Variants in LRP4 observed in about 807,000 individuals in gnomAD.
LRP4 encodes the protein LDL receptor related protein 4.
LRP4 carries 95 observed loss-of-function variants against 220.3 expected under a neutral mutation model. The observed-to-expected ratio is 0.43, with a 90% CI of 0.37 to 0.51. LRP4 has a LOEUF of 0.51. Among genes scored for constraint, LRP4 ranks in the 20% least tolerant of loss-of-function variants. LRP4 has a pLI of 0.00. For missense variants in LRP4, 1,925 were observed against 2,567.0 expected, an observed-to-expected ratio of 0.75 and a Z score of 5.40; for synonymous variants, 903 against 954.6, an observed-to-expected ratio of 0.95 and a Z score of 1.00.
In LRP4 at chr11:46,899,377, G is replaced by A; in HGVS notation, c.547+10C>T. On this transcript the variant is annotated intron_variant, in intron 5 of 37. Coordinates refer to ENST00000378623, the MANE Select transcript of LRP4 (RefSeq NM_002334.4). This position sits in a 1 kb window ranked among gnomAD's most constrained non-coding sequence, Gnocchi z 5.9. The stretch of plus-strand genomic sequence containing the variant: ...TCCAACCCAACAGCCTGAGGTCTGG[G>A]GCCACTCACGACAGTTCTCCTCATC... 1 of 1,603,602 alleles carries A rather than the reference G, an allele frequency of 6.2e-7. No homozygotes were observed. Among genetic ancestry groups the A allele is most frequent in the Admixed American group, 1.7e-5 (1 of 60,012 alleles).
intron 34 of LRP4, among the ~76,000 whole-genome samples, chr11:46,867,657 C>T (rs1940739457): frequency 6.6e-6 from 1 of 152,150 alleles, no homozygotes; most frequent in Non-Finnish European, 1.5e-5. Flanking sequence ...AACGGGGTTT[C>T]TCCATGTTGG....
intron 31 of LRP4, among the ~76,000 whole-genome samples, chr11:46,869,987 T>C (rs890168305): frequency 2.0e-5 from 3 of 151,962 alleles, no homozygotes; most frequent in African/African-American, 7.3e-5. Context: ...GCACCTGTAA[T>C]CCCAGCTACT....
rs569619502 is a variant in LRP4 at position 46,872,669 on chromosome 11, G to A, written c.4583+431C>T. ...TGAGGTAAGAAGATGGCTTGAGCCA[G>A]GGAGGTTCAGGCTGCAGAGAGCTGT... On this transcript the variant is annotated intron_variant, in intron 30 of 37. Transcript: ENST00000378623. Among the ~76,000 whole-genome samples, 3 of 152,116 alleles carry A rather than the reference G, an allele frequency of 2.0e-5. No individual in the cohort carries two copies. The East Asian group carries it at 5.8e-4, about 30-fold the overall frequency.
At chr11:46,906,814 C>A (rs1013004697) in intron 1 of LRP4, among the ~76,000 whole-genome samples, 1 of 152,142 alleles carries the variant, frequency 6.6e-6, no homozygotes, top group South Asian at 2.1e-4. Flanking sequence ...AGCATTCCAT[C>A]GGTGGGCATC....
rs1941397543 is a variant in LRP4, at chr11:46,890,443, G to A, written c.1749C>T (p.Ser583=). 1 of 1,614,040 alleles carries A rather than the reference G, an allele frequency of 6.2e-7. No individual in the cohort carries two copies. Among genetic ancestry groups the A allele is most frequent in the Admixed American group, 1.7e-5 (1 of 60,000 alleles). The stretch of plus-strand genomic sequence containing the variant: ...TGATGCGGCGTCCAGAGCCATCCAT[G>A]CTGGAGGCCTCAATACGGGGGGTGT... ...WGNTPRIEAS[S]MDGSGRRIIA... Residue 583 remains serine (S), a synonymous_variant, in exon 14 of 38, where the codon AGC becomes AGT. Transcript: ENST00000378623. This position sits in a 1 kb window ranked among gnomAD's most constrained non-coding sequence, Gnocchi z 5.3.
intron 1 of LRP4, among the ~76,000 whole-genome samples, chr11:46,906,772 C>T (rs1301057899): frequency 1.3e-5 from 2 of 152,084 alleles, no homozygotes; most frequent in African/African-American, 4.8e-5. Flanking sequence ...TAACAGAAGT[C>T]CCGATTTCCC....
chr11:46,897,334 C>CTTTTTTT, intron 7 of LRP4, among the ~76,000 whole-genome samples: 1 of 128,098 alleles, frequency 7.8e-6, no homozygotes, highest in Non-Finnish European at 1.6e-5. Flanking sequence ...GCCTGTTTGT[C>CTTTTTTT]TTTTTTTTTT....
At chr11:46,867,871 C>G in intron 34 of LRP4, 108 bp downstream of exon 34, 1 of 1,340,150 alleles carries the variant, frequency 7.5e-7, no homozygotes, top group Non-Finnish European at 1.1e-6. Context: ...ACTGGTAGCT[C>G]CTGACATAAT....
chr11:46,876,433 C>T (rs769918507), intron 25 of LRP4, 33 bp downstream of exon 25: 5 of 1,613,370 alleles, frequency 3.1e-6, no homozygotes, highest in Admixed American at 1.7e-5. Context: ...GCTGGCCCCC[C>T]ACACTACCCA....
chr11:46,891,478 TAC>T (rs111770885), intron 13 of LRP4, among the ~76,000 whole-genome samples: 7,699 of 148,862 alleles, frequency 0.052, 658 homozygotes, highest in African/African-American at 0.18. Context: ...CACACACACA[TAC>T]ACACACACAG....
chr11:46,868,615 G>C lies in LRP4; in HGVS notation c.4936C>G (p.Arg1646Gly). Residue 1646 changes from arginine to glycine, a missense_variant, in exon 33 of 38, where the codon CGG (arginine) becomes GGG (glycine). By Grantham distance (125) the Arg-to-Gly change is moderately radical. Coordinates refer to ENST00000378623, the MANE Select transcript of LRP4 (RefSeq NM_002334.4). ...TCCAACTCACCAAGGGAGCAGGGCC[G>C]GCTATCAGGTTCGTCAGGACAGGCA... ...VCACPDEPDSRPCSLVPGLVP... is the reference protein window; with the variant it reads ...VCACPDEPDSGPCSLVPGLVP... 6.2e-7 allele frequency: 1 copy of C among 1,613,754 alleles called. No homozygotes were observed. The highest frequency in any genetic ancestry group is 8.5e-7 in the Non-Finnish European group (1 of 1,179,618).
chr11:46,900,089 C>G, intron 3 of LRP4, 113 bp from the exon 4 acceptor site: 1 of 1,019,110 alleles, frequency 9.8e-7, no homozygotes, highest in Admixed American at 1.8e-5. Context: ...CTGAGGGCTC[C>G]GAAGGAGGTG....
intron 1 of LRP4, among the ~76,000 whole-genome samples, chr11:46,912,005 C>T (rs1941867708): frequency 6.6e-6 from 1 of 152,150 alleles, no homozygotes; most frequent in Non-Finnish European, 1.5e-5. Flanking sequence ...TAGGCATGTG[C>T]CACCACGTCA....
intron 1 of LRP4, among the ~76,000 whole-genome samples, chr11:46,914,953 C>A (rs1471935992): frequency 6.6e-6 from 1 of 152,150 alleles, no homozygotes; most frequent in East Asian, 1.9e-4. Context: ...CTATAAAACA[C>A]CGTGTCCTCT....
At chr11:46,889,870 G>A in intron 15 of LRP4, 74 bp downstream of exon 15, 1 of 1,532,480 alleles carries the variant, frequency 6.5e-7, no homozygotes, top group South Asian at 1.1e-5. Context: ...TAAGGGGAAG[G>A]AAGGTTCTCA....
At chr11:46,862,958 A>G (rs1301703802) in intron 36 of LRP4, 2 of 585,578 alleles carry the variant, frequency 3.4e-6, no homozygotes, top group Non-Finnish European at 6.1e-6. Context: ...TGTGATGGCT[A>G]CTAGATTAGG....
chr11:46,887,602 G>A (rs1304328415), intron 16 of LRP4, among the ~76,000 whole-genome samples: 3 of 152,120 alleles, frequency 2.0e-5, no homozygotes, highest in Non-Finnish European at 1.5e-5. Context: ...GGAGGCTGAG[G>A]TGGATAGATC....
rs1050607778 is a variant in LRP4, at chr11:46,898,645, T to G, written c.709A>C (p.Met237Leu). The change falls in exon 7 of 38, where the codon ATG becomes CTG. Residue 237 changes from methionine to leucine, a missense_variant. This residue lies in a region of LRP4 where 412 missense variants were observed against 505.4 expected (regional missense o/e 0.82). Coordinates refer to ENST00000378623, the MANE Select transcript of LRP4 (RefSeq NM_002334.4). ...SHQPCRSGEFMCDSGLCINAG... is the reference protein window; with the variant it reads ...SHQPCRSGEFLCDSGLCINAG... The stretch of plus-strand genomic sequence containing the variant: ...TTGATGCACAGGCCACTGTCACACA[T>G]GAACTCCCCAGAGCGGCAGGGCTGG... 13 of 1,614,044 alleles carry G rather than the reference T, an allele frequency of 8.1e-6. No individual in the cohort carries two copies. Among genetic ancestry groups the G allele is most frequent in the African/African-American group, 1.3e-5 (1 of 74,934 alleles).
At chr11:46,889,820 G>A in intron 15 of LRP4, 124 bp downstream of exon 15, 1 of 1,119,406 alleles carries the variant, frequency 8.9e-7, no homozygotes, top group East Asian at 2.4e-5. Flanking sequence ...GCCCATGTCA[G>A]TGCCCTGCTG....
Sources: allele counts gnomAD v4.1 joint callset (sites outside exome capture counted in the v4.1 genomes callset), GRCh38; gene constraint gnomAD v4.1.1; regional missense constraint gnomAD v4.1.1; non-coding constraint Gnocchi (gnomAD v3.1); transcripts MANE v1.5; gene names NCBI Gene and HGNC (gene_info 2026-07-23, HGNC 2026-07-21).